Variants in TAOK3 observed in about 807,000 individuals in gnomAD.
TAOK3 encodes serine/threonine-protein kinase TAO3.
A neutral mutation model predicts 120.4 loss-of-function variants in TAOK3; 40 were observed. The observed-to-expected ratio is 0.33, with a 90% CI of 0.26 to 0.43. The LOEUF is 0.43. TAOK3 is among the 20% of genes least tolerant of loss of function. TAOK3 has a pLI of 1.00. For missense variants in TAOK3, 821 were observed against 1,112.1 expected (o/e 0.74, Z 3.72); for synonymous variants, 355 against 387.5 (o/e 0.92, Z 0.99).
chr12:118,157,482 C>T (rs2034917013), intron 19 of TAOK3, among the ~76,000 whole-genome samples: 1 of 152,200 alleles, frequency 6.6e-6, no homozygotes, highest in Admixed American at 6.5e-5. Context: ...TAATAGATTT[C>T]TGTGAATTCT....
At chr12:118,237,487 C>T (rs418941) in intron 7 of TAOK3, among the ~76,000 whole-genome samples, 75,542 of 151,776 alleles carry the variant, frequency 0.5, 19,061 homozygotes, top group Non-Finnish European at 0.54. Flanking sequence ...CAGAGAAAAG[C>T]CCTAGAATAG....
intron 1 of TAOK3, among the ~76,000 whole-genome samples, chr12:118,288,321 A>T (rs1210362490): frequency 6.6e-6 from 1 of 152,090 alleles, no homozygotes; most frequent in East Asian, 1.9e-4. Context: ...GAACCCTCCA[A>T]TGTGACTGTA....
At chr12:118,347,866 T>A (rs1593644906) in intron 1 of TAOK3, among the ~76,000 whole-genome samples, 1 of 152,214 alleles carries the variant, frequency 6.6e-6, no homozygotes, top group African/African-American at 2.4e-5. Context: ...CAAGTTCTCA[T>A]TCTCAATTTC....
Position 118,291,731 on chromosome 12 carries a change from A to T in TAOK3, c.-193-24972T>A, listed in dbSNP as rs146909878. On this transcript the variant is annotated intron_variant, in intron 1 of 20. Coordinates refer to ENST00000392533, the MANE Select transcript of TAOK3 (RefSeq NM_016281.4). Reference sequence around the variant, plus strand: ...CTGGCATTTGAGATCATTCGATTTAAACATTTATAAACCCCCTTGCAGTCG... The same window carrying T: ...CTGGCATTTGAGATCATTCGATTTATACATTTATAAACCCCCTTGCAGTCG... Among the ~76,000 whole-genome samples, 1,081 of 152,310 alleles carry T rather than the reference A, an allele frequency of 7.1e-3. 7 individuals carry two copies. Among genetic ancestry groups the T allele is most frequent in the Middle Eastern group, 0.017 (5 of 294 alleles).
chr12:118,323,243 G>C (rs1277762721), intron 1 of TAOK3, among the ~76,000 whole-genome samples: 1 of 152,100 alleles, frequency 6.6e-6, no homozygotes, highest in African/African-American at 2.4e-5. Context: ...CAATGAAATA[G>C]AAAGATCAAT....
At chr12:118,272,516 A>G (rs1232163570) in intron 1 of TAOK3, among the ~76,000 whole-genome samples, 1 of 152,152 alleles carries the variant, frequency 6.6e-6, no homozygotes, top group African/African-American at 2.4e-5. Flanking sequence ...AAACTCCACA[A>G]TATTTCAGTA....
At chr12:118,301,977 T>C (rs1337351420) in intron 1 of TAOK3, among the ~76,000 whole-genome samples, 1 of 152,158 alleles carries the variant, frequency 6.6e-6, no homozygotes, top group African/African-American at 2.4e-5. Context: ...TTTTGCAGAG[T>C]TGCATTAATT....
chr12:118,356,269 C>A (rs2045386644), intron 1 of TAOK3, among the ~76,000 whole-genome samples: 1 of 148,626 alleles, frequency 6.7e-6, no homozygotes. Context: ...GACAGGATCT[C>A]AATATCTTCT....
chr12:118,212,863 T>C (rs1341754070), intron 11 of TAOK3, 51 bp downstream of exon 11: 4 of 1,283,270 alleles, frequency 3.1e-6, no homozygotes, highest in African/African-American at 1.5e-5. Context: ...TTATATTCCA[T>C]TATAACATGA....
chr12:118,354,963 G>A (rs1415111924), intron 1 of TAOK3, among the ~76,000 whole-genome samples: 1 of 151,928 alleles, frequency 6.6e-6, no homozygotes, highest in African/African-American at 2.4e-5. Flanking sequence ...GGAGGCCAAG[G>A]CAGGAGGGTC....
chr12:118,267,609 G>T (rs1286167412), intron 1 of TAOK3, among the ~76,000 whole-genome samples: 2 of 151,010 alleles, frequency 1.3e-5, no homozygotes, highest in East Asian at 4.0e-4. Flanking sequence ...AAATCCGGCC[G>T]GACGCAGTGG....
At chr12:118,264,364 C>G (rs898355136) in intron 2 of TAOK3, among the ~76,000 whole-genome samples, 1 of 152,098 alleles carries the variant, frequency 6.6e-6, no homozygotes, top group Non-Finnish European at 1.5e-5. Context: ...GTGATAAATA[C>G]AATGGACTGT....
intron 14 of TAOK3, among the ~76,000 whole-genome samples, 168 bp from the exon 15 acceptor site, chr12:118,181,775 T>C (rs935115103): frequency 6.6e-6 from 1 of 152,254 alleles, no homozygotes. Context: ...AGATAGATAC[T>C]CTTTATGTAT....
intron 4 of TAOK3, among the ~76,000 whole-genome samples, chr12:118,244,473 GA>G (rs35051232): frequency 0.047 from 6,876 of 146,482 alleles, 358 homozygotes; most frequent in East Asian, 0.2. Flanking sequence ...CCACAAGAAG[GA>G]AAAAAAAATT....
chr12:118,234,139 T>C (rs954605652), intron 8 of TAOK3, among the ~76,000 whole-genome samples: 2 of 151,214 alleles, frequency 1.3e-5, no homozygotes, highest in Admixed American at 6.6e-5. Flanking sequence ...CTTTGGAACA[T>C]CTGATTATAT....
intron 2 of TAOK3, among the ~76,000 whole-genome samples, chr12:118,260,221 G>A (rs192210308): frequency 2.6e-5 from 4 of 152,100 alleles, no homozygotes; most frequent in Admixed American, 6.5e-5. Context: ...CTCAACCTCC[G>A]GGACTCAAGT....
intron 1 of TAOK3, among the ~76,000 whole-genome samples, chr12:118,278,505 T>C (rs2041981987): frequency 6.6e-6 from 1 of 152,224 alleles, no homozygotes; most frequent in Non-Finnish European, 1.5e-5. Context: ...TAGTATTCCA[T>C]GGTGTATATG....
intron 9 of TAOK3, among the ~76,000 whole-genome samples, chr12:118,222,039 G>T (rs538879517): frequency 6.6e-6 from 1 of 152,250 alleles, no homozygotes; most frequent in African/African-American, 2.4e-5. Context: ...TAGAGACAAA[G>T]ATCAAGTTTC....
intron 11 of TAOK3, among the ~76,000 whole-genome samples, chr12:118,205,928 C>CTTT (rs556802843): frequency 7.0e-6 from 1 of 142,330 alleles, no homozygotes; most frequent in African/African-American, 2.6e-5. Context: ...CTCTCTCTCT[C>CTTT]TTTTTTTTTT....
Sources: allele counts gnomAD v4.1 joint callset (sites outside exome capture counted in the v4.1 genomes callset), GRCh38; gene constraint gnomAD v4.1.1; transcripts MANE v1.5; gene names NCBI Gene and HGNC (gene_info 2026-07-23, HGNC 2026-07-21).